GRIN2A: variants seen among roughly 807,000 people sequenced by gnomAD.
GRIN2A encodes glutamate ionotropic receptor NMDA type subunit 2A.
A neutral mutation model predicts 113.4 loss-of-function variants in GRIN2A; 22 were observed. The observed-to-expected ratio is 0.19, with a 90% CI of 0.14 to 0.28. The LOEUF (loss-of-function observed/expected upper bound fraction) is 0.28, where lower values mean the gene tolerates loss of function less well. Ranked by LOEUF, GRIN2A falls within the 10% of genes least tolerant of loss-of-function variation. The pLI is 1.00. For synonymous variants in GRIN2A, 827 were observed against 738.4 expected, an observed-to-expected ratio of 1.12 and a Z score of -1.94; for missense variants, 1,502 against 1,887.0, an observed-to-expected ratio of 0.80 and a Z score of 3.78.
intron 3 of GRIN2A, among the ~76,000 whole-genome samples, chr16:9,905,080 A>G (rs1355681887): frequency 6.6e-6 from 1 of 152,264 alleles, no homozygotes. Context: ...TCTACTTCTT[A>G]GTAAACACAT....
chr16:9,871,405 T>C lies in GRIN2A; in HGVS notation c.1122+19581A>G, dbSNP rs1197384177. Among the ~76,000 whole-genome samples, 3 of 140,694 alleles carry C rather than the reference T, an allele frequency of 2.1e-5. No individual in the cohort carries two copies. The East Asian group carries it at 6.1e-4, about 28-fold the overall frequency. The allele number at this position is 140,694 out of a possible 152,430, so 92.3% of individuals were successfully genotyped here. ...CTTTGATAAAAGAGAACACTGTCAA[T>C]AGACTTTTAGAAATCCACTGAAAAT... On this transcript the variant is annotated intron_variant, in intron 4 of 12. Coordinates refer to ENST00000330684, the MANE Select transcript of GRIN2A (RefSeq NM_001134407.3).
At chr16:9,827,536 C>T (rs1452121477) in intron 9 of GRIN2A, among the ~76,000 whole-genome samples, 1 of 152,168 alleles carries the variant, frequency 6.6e-6, no homozygotes, top group East Asian at 1.9e-4. Context: ...TTTCCTGCTT[C>T]GAAGCAAGGG....
At chr16:9,840,263 G>C (rs999454080) in intron 7 of GRIN2A, among the ~76,000 whole-genome samples, 2 of 152,164 alleles carry the variant, frequency 1.3e-5, no homozygotes, top group African/African-American at 4.8e-5. Flanking sequence ...CGGCATGTGA[G>C]AGAAGTGAAG....
At chr16:9,838,946 C>A (rs1343632447) in intron 7 of GRIN2A, among the ~76,000 whole-genome samples, 1 of 152,094 alleles carries the variant, frequency 6.6e-6, no homozygotes, top group Non-Finnish European at 1.5e-5. Flanking sequence ...TGGAAAATTA[C>A]CTACAATGTA....
chr16:10,038,806 C>T (rs1415922204), intron 2 of GRIN2A, among the ~76,000 whole-genome samples: 1 of 151,484 alleles, frequency 6.6e-6, no homozygotes, highest in Non-Finnish European at 1.5e-5. Flanking sequence ...CGAGATCGCG[C>T]CACTGCACTC....
chr16:9,882,050 A>C lies in GRIN2A; in HGVS notation c.1122+8936T>G, dbSNP rs191032341. On this transcript the variant is annotated intron_variant, in intron 4 of 12. Transcript: ENST00000330684. ...GACTACTGATATCTCATACACACAC[A>C]CAACACACACACACACACACAAACA... Among the ~76,000 whole-genome samples the C allele has an allele frequency of 4.2e-3, 632 of 151,412 alleles. 2 individuals are homozygous for C. Among genetic ancestry groups the C allele is most frequent in the Non-Finnish European group, 6.8e-3 (465 of 68,000 alleles).
intron 2 of GRIN2A, among the ~76,000 whole-genome samples, chr16:9,996,642 T>G (rs1172443025): frequency 1.3e-5 from 2 of 152,204 alleles, no homozygotes; most frequent in Admixed American, 1.3e-4. Flanking sequence ...TTTATAATCA[T>G]ATACACATAG....
chr16:10,059,072 G>A (rs1220683286), intron 2 of GRIN2A, among the ~76,000 whole-genome samples: 2 of 152,186 alleles, frequency 1.3e-5, no homozygotes. Context: ...TGTAACAGGA[G>A]AAGAACTTGG....
rs138057341 is a variant in GRIN2A at position 10,041,372 on chromosome 16, G to T, written c.415-102821C>A. On this transcript the variant is annotated intron_variant, in intron 2 of 12. Transcript: ENST00000330684. ...TAATTAAGGAGAATCTTCTGTAAAGGTTCAATAAAATGACAAATTCTTTTG... is the reference window on the plus strand; with the variant it reads ...TAATTAAGGAGAATCTTCTGTAAAGTTTCAATAAAATGACAAATTCTTTTG... 2.9e-3 allele frequency among the ~76,000 whole-genome samples: 439 copies of T among 152,234 alleles called. 6 individuals are homozygous for T. The highest frequency in any genetic ancestry group is 0.019 in the Admixed American group (292 of 15,296).
rs1417477729 is a variant in GRIN2A, at chr16:9,760,984, G to C, written c.*2165C>G. On this transcript the variant is annotated 3_prime_UTR_variant, in exon 13 of 13. Transcript: ENST00000330684. ...GCCCTTCGATCCAGGCTTCTCCATG[G>C]CTGGGTCTTGGGGCAGCAGAGGTAC... 1 of 232,178 alleles carries C rather than the reference G, an allele frequency of 4.3e-6. No individual in the cohort carries two copies. The highest frequency in any genetic ancestry group is 8.5e-6 in the Non-Finnish European group (1 of 117,468). 14.4% of individuals were successfully genotyped at this position (232,178 alleles called of 1,614,324 possible).
In GRIN2A at chr16:9,753,415, C is replaced by G. The variant is rs1474204340; in HGVS notation, c.*9734G>C. The G allele has an allele frequency of 1.6e-5, 3 of 189,874 alleles. No individual in the cohort carries two copies. Among genetic ancestry groups the G allele is most frequent in the Non-Finnish European group, 3.3e-5 (3 of 90,504 alleles). 11.8% of individuals were successfully genotyped at this position (189,874 alleles called of 1,614,324 possible). A position where few individuals can be genotyped will look rare whatever the true frequency, so the allele number is the denominator to read the frequency against. On this transcript the variant is annotated 3_prime_UTR_variant, in exon 13 of 13. Transcript: ENST00000330684. ...AGACCACAACTCAATTTCTCATTTT[C>G]ATATCAATTGGCAGAAATTATCTTT...
intron 2 of GRIN2A, among the ~76,000 whole-genome samples, chr16:10,085,237 A>T (rs1332307465): frequency 2.0e-5 from 3 of 152,112 alleles, no homozygotes; most frequent in African/African-American, 7.2e-5. Context: ...CAGGCTGGGG[A>T]GTGTAGCATC....
At chr16:9,788,612 C>T (rs1198922794) in intron 11 of GRIN2A, among the ~76,000 whole-genome samples, 1 of 151,770 alleles carries the variant, frequency 6.6e-6, no homozygotes, top group African/African-American at 2.4e-5. Context: ...TTTTTTCCCC[C>T]TCTAATTTCT....
chr16:9,820,409 C>T (rs1287067641), intron 10 of GRIN2A, among the ~76,000 whole-genome samples: 2 of 152,194 alleles, frequency 1.3e-5, no homozygotes, highest in African/African-American at 4.8e-5. Context: ...AAGTGGAAGA[C>T]ACAAATATTC....
At chr16:10,076,795 T>A (rs2047881455) in intron 2 of GRIN2A, among the ~76,000 whole-genome samples, 2 of 152,140 alleles carry the variant, frequency 1.3e-5, no homozygotes, top group Admixed American at 1.3e-4. Context: ...GACTCAAACA[T>A]CAAAGTCTCT....
rs2142390004 is a variant in GRIN2A, at chr16:10,180,221, G to A, written c.191C>T (p.Pro64Leu). 1.2e-6 allele frequency: 2 copies of A among 1,614,104 alleles called. No individual in the cohort carries two copies. The highest frequency in any genetic ancestry group is 1.3e-5 in the African/African-American group (1 of 75,060). ...LWGPEQAAGL[P>L]LDVNVVALLM... ...CAGAGCTACCACGTTCACGTCCAGG[G>A]GCAGCCCCGCCGCCTGCTCGGGGCC... The change falls in exon 2 of 13, where the codon CCC becomes CTC. Residue 64 changes from proline to leucine, a missense_variant. Pro to Leu is a moderately conservative substitution (Grantham distance 98, BLOSUM62 -3). Around this residue, in one of 7 missense-constraint regions of GRIN2A, gnomAD observed 149 missense variants for 179.1 expected, o/e 0.83. Coordinates refer to ENST00000330684, the MANE Select transcript of GRIN2A (RefSeq NM_001134407.3). The surrounding 1 kb of genome is among the most constrained non-coding windows in gnomAD (Gnocchi z 7.0).
intron 3 of GRIN2A, among the ~76,000 whole-genome samples, chr16:9,933,778 G>A (rs976758552): frequency 6.6e-6 from 1 of 152,196 alleles, no homozygotes; most frequent in Non-Finnish European, 1.5e-5. Context: ...TTATGTAAGT[G>A]TAAAGATGGA....
intron 2 of GRIN2A, among the ~76,000 whole-genome samples, chr16:9,992,481 C>T (rs995832388): frequency 1.3e-5 from 2 of 152,162 alleles, no homozygotes; most frequent in African/African-American, 4.8e-5. Flanking sequence ...AGAAAAGAAA[C>T]AGGCCAATAT....
intron 9 of GRIN2A, among the ~76,000 whole-genome samples, chr16:9,825,477 G>A (rs1196085024): frequency 6.6e-6 from 1 of 152,172 alleles, no homozygotes; most frequent in African/African-American, 2.4e-5. Flanking sequence ...AACATGGCAA[G>A]TATTTGATGA....
Sources: allele counts gnomAD v4.1 joint callset (sites outside exome capture counted in the v4.1 genomes callset), GRCh38; gene constraint gnomAD v4.1.1; regional missense constraint gnomAD v4.1.1; non-coding constraint Gnocchi (gnomAD v3.1); transcripts MANE v1.5; gene names NCBI Gene and HGNC (gene_info 2026-07-23, HGNC 2026-07-21).